The following PLEKHG1 variants were observed in gnomAD, a reference collection of about 807,000 sequenced individuals.
PLEKHG1 encodes the protein pleckstrin homology domain-containing family G member 1.
A neutral mutation model predicts 100.8 loss-of-function variants in PLEKHG1; 44 were observed. That is an observed-to-expected ratio of 0.44 (90% CI 0.34 to 0.56). The LOEUF (loss-of-function observed/expected upper bound fraction) is 0.56, where lower values mean the gene tolerates loss of function less well. Ranked by LOEUF, PLEKHG1 falls within the 20% of genes least tolerant of loss-of-function variation. PLEKHG1 has a pLI of 0.01. For synonymous variants in PLEKHG1, 640 were observed against 662.5 expected (o/e 0.97, Z 0.52); for missense variants, 1,545 against 1,720.9 (o/e 0.90, Z 1.81).
chr6:150,620,344 C>T (rs1176734864), intron 1 of PLEKHG1, among the ~76,000 whole-genome samples: 1 of 152,252 alleles, frequency 6.6e-6, no homozygotes, highest in Non-Finnish European at 1.5e-5. Flanking sequence ...GACACCGCTA[C>T]TCAGAAGCAC....
At chr6:150,622,973 C>T (rs559556088) in intron 1 of PLEKHG1, among the ~76,000 whole-genome samples, 68 of 151,376 alleles carry the variant, frequency 4.5e-4, no homozygotes, top group African/African-American at 1.6e-3. Flanking sequence ...AGAGGGGAGG[C>T]GGCACTTCCT....
At chr6:150,719,713 T>A (rs1292053449), upstream of PLEKHG1, among the ~76,000 whole-genome samples, 1 of 152,202 alleles carries the variant, frequency 6.6e-6, no homozygotes, top group African/African-American at 2.4e-5. Context: ...ACAGACATGA[T>A]GTGGGAAGCC....
chr6:150,753,004 T>G (rs1783610948), intron 2 of PLEKHG1, among the ~76,000 whole-genome samples: 1 of 152,078 alleles, frequency 6.6e-6, no homozygotes, highest in Admixed American at 6.5e-5. Context: ...TCCAAGCTAC[T>G]TGGGAGGCTG....
In PLEKHG1 at chr6:150,600,642, G is replaced by T. The variant is rs896099736; in HGVS notation, c.-204+625G>T. Among the ~76,000 whole-genome samples the T allele has an allele frequency of 6.6e-6, 1 of 152,242 alleles. No individual in the cohort carries two copies. The highest frequency in any genetic ancestry group is 2.4e-5 in the African/African-American group (1 of 41,474). ...CAAGAGCCTGTGGCTCTTCCGTCAC[G>T]GGGTAAACGGTAACACCTGGGCGGC... On this transcript the variant is annotated intron_variant, in intron 1 of 3. Coordinates refer to the PLEKHG1 transcript ENST00000367326. This position sits in a 1 kb window ranked among gnomAD's most constrained non-coding sequence, Gnocchi z 6.2.
At chr6:150,687,169 C>T (rs1582943788) in intron 3 of PLEKHG1, among the ~76,000 whole-genome samples, 3 of 152,304 alleles carry the variant, frequency 2.0e-5, no homozygotes. Flanking sequence ...TTTTCCTTTC[C>T]TAATCAAAGA....
chr6:150,683,113 C>G lies in PLEKHG1; in HGVS notation c.-99+32327C>G, dbSNP rs189028318. Among the ~76,000 whole-genome samples, 35 of 152,306 alleles carry G rather than the reference C, an allele frequency of 2.3e-4. No individual in the cohort carries two copies. The highest frequency in any genetic ancestry group is 4.1e-4 in the Non-Finnish European group (28 of 68,022). ...TGGCATGTGTTCTTTGTGCTCAGAA[C>G]CACATTAGGCCCTAAGAGACTCCAG... On this transcript the variant is annotated intron_variant, in intron 3 of 3. Coordinates refer to the PLEKHG1 transcript ENST00000367326. This position sits in a 1 kb window ranked among gnomAD's most constrained non-coding sequence, Gnocchi z 4.0.
At chr6:150,638,106 T>C (rs1399694811) in exon 2 of PLEKHG1, 1 of 152,248 alleles carries the variant, frequency 6.6e-6, no homozygotes, top group Non-Finnish European at 1.5e-5. Context: ...TCTATGGATA[T>C]TGCCCTGGCC....
chr6:150,738,085 C>G (rs1782671647), intron 2 of PLEKHG1, among the ~76,000 whole-genome samples: 1 of 151,958 alleles, frequency 6.6e-6, no homozygotes, highest in South Asian at 2.1e-4. Context: ...AAATGGTGAG[C>G]TTACAGGTGA....
chr6:150,802,009 A>C (rs1490566183), intron 6 of PLEKHG1, among the ~76,000 whole-genome samples: 1 of 152,162 alleles, frequency 6.6e-6, no homozygotes, highest in Non-Finnish European at 1.5e-5. Flanking sequence ...TCCCCTTTTT[A>C]AAGGAATTTT....
intron 3 of PLEKHG1, among the ~76,000 whole-genome samples, chr6:150,713,057 C>T (rs1464907485): frequency 1.3e-5 from 2 of 152,226 alleles, no homozygotes; most frequent in Non-Finnish European, 2.9e-5. Flanking sequence ...TGTCCATTCA[C>T]TGCGCCCAGC....
At chr6:150,754,173 G>C (rs865877733) in intron 2 of PLEKHG1, among the ~76,000 whole-genome samples, 1 of 152,178 alleles carries the variant, frequency 6.6e-6, no homozygotes, top group Non-Finnish European at 1.5e-5. Context: ...GGATGAATGA[G>C]CCAGGTGGTG....
At chr6:150,797,288 CT>C (rs1446397217) in intron 5 of PLEKHG1, among the ~76,000 whole-genome samples, 1 of 152,146 alleles carries the variant, frequency 6.6e-6, no homozygotes, top group East Asian at 1.9e-4. Context: ...ACGCTGAGCC[CT>C]GAGTGTTACT....
chr6:150,649,055 T>G (rs1778608407), intron 2 of PLEKHG1, among the ~76,000 whole-genome samples: 1 of 152,190 alleles, frequency 6.6e-6, no homozygotes, highest in Non-Finnish European at 1.5e-5. Flanking sequence ...TCCTGCTTTT[T>G]TTTTAATTTG....
chr6:150,642,735 T>A (rs1026860125), intron 2 of PLEKHG1, among the ~76,000 whole-genome samples: 2 of 152,226 alleles, frequency 1.3e-5, no homozygotes, highest in African/African-American at 4.8e-5. Flanking sequence ...ATTCAAGGCA[T>A]TTTAGGAGTA....
chr6:150,637,834 A>G lies in PLEKHG1; in HGVS notation c.-203-246A>G, dbSNP rs1416774376. 2.6e-5 allele frequency among the ~76,000 whole-genome samples: 4 copies of G among 152,182 alleles called. No individual in the cohort carries two copies. The East Asian group carries it at 7.7e-4, about 29-fold the overall frequency. On this transcript the variant is annotated intron_variant, in intron 1 of 3. Coordinates refer to the PLEKHG1 transcript ENST00000367326. ...TAGCTTAGGATATTTTCTCCCCACT[A>G]ATATTAATGTATCTTCACCTAGAAA...
At chr6:150,804,938 C>CT (rs11366163) in intron 7 of PLEKHG1, among the ~76,000 whole-genome samples, 197 bp downstream of exon 8, 28,759 of 147,376 alleles carry the variant, frequency 0.2, 2,826 homozygotes, top group East Asian at 0.37. Flanking sequence ...GATATTATAA[C>CT]TTTTTTTTTT....
rs984586742 is a variant in PLEKHG1 at position 150,631,000 on chromosome 6, G to A, written c.-203-7080G>A. The stretch of plus-strand genomic sequence containing the variant: ...AGGTCATTGGTGGCCTTGATAAACC[G>A]TTTCGATGGAGTGGAGGGGGCCAAA... On this transcript the variant is annotated intron_variant, in intron 1 of 3. Coordinates refer to the PLEKHG1 transcript ENST00000367326. 1.2e-4 allele frequency among the ~76,000 whole-genome samples: 19 copies of A among 152,238 alleles called. No homozygotes were observed. The East Asian group carries it at 1.9e-3, about 15-fold the overall frequency.
intron 2 of PLEKHG1, among the ~76,000 whole-genome samples, chr6:150,763,702 T>C (rs1304326363): frequency 1.3e-5 from 2 of 152,172 alleles, no homozygotes; most frequent in African/African-American, 4.8e-5. Context: ...GAGAAGCCAA[T>C]GGGTCCTTCT....
chr6:150,778,012 C>T (rs1383250046), intron 3 of PLEKHG1, among the ~76,000 whole-genome samples: 2 of 152,226 alleles, frequency 1.3e-5, no homozygotes, highest in African/African-American at 2.4e-5. Context: ...TCTTTTATAG[C>T]GAGATGTCTT....
Sources: allele counts gnomAD v4.1 joint callset (sites outside exome capture counted in the v4.1 genomes callset), GRCh38; gene constraint gnomAD v4.1.1; non-coding constraint Gnocchi (gnomAD v3.1); transcripts MANE v1.5; gene names NCBI Gene and HGNC (gene_info 2026-07-23, HGNC 2026-07-21).